The following NUP107 variants were observed in gnomAD, a reference collection of about 807,000 sequenced individuals.
NUP107 encodes nucleoporin 107.
A neutral mutation model predicts 141.0 loss-of-function variants in NUP107; 101 were observed. The observed-to-expected ratio is 0.72, with a 90% confidence interval of 0.61 to 0.84. The LOEUF (loss-of-function observed/expected upper bound fraction) is 0.84, where lower values mean the gene tolerates loss of function less well. NUP107 is among the 40% of genes least tolerant of loss of function. The pLI is 0.00. For synonymous variants in NUP107, 319 were observed against 363.9 expected, an observed-to-expected ratio of 0.88 and a Z score of 1.41; for missense variants, 941 against 1,102.7, an observed-to-expected ratio of 0.85 and a Z score of 2.08.
intron 6 of NUP107, among the ~76,000 whole-genome samples, chr12:68,698,669 G>C (rs943523963): frequency 6.6e-6 from 1 of 152,172 alleles, no homozygotes; most frequent in Non-Finnish European, 1.5e-5. Context: ...ATATTGCTAA[G>C]TGAAAGAAGC....
At chr12:68,705,784 G>A in intron 8 of NUP107, 1 of 752,458 alleles carries the variant, frequency 1.3e-6, no homozygotes, top group South Asian at 1.3e-5. Flanking sequence ...GGGTAGCCTG[G>A]GTGGAGACTT....
chr12:68,731,709 G>T lies in NUP107; in HGVS notation c.1988G>T (p.Gly663Val). The T allele has an allele frequency of 6.5e-7, 1 of 1,545,086 alleles. No homozygotes were observed. Among genetic ancestry groups the T allele is most frequent in the South Asian group, 1.2e-5 (1 of 80,996 alleles). The change falls in exon 22 of 28, where the codon GGC becomes GTC. Residue 663 changes from glycine to valine, a missense_variant. Coordinates refer to ENST00000229179, the MANE Select transcript of NUP107 (RefSeq NM_020401.4). Reference sequence around the variant, plus strand: ...GACCTGGCCCCAGCCCTAGATACTGGCACTACTGAGGTAATTTGGGATGGG... The same window carrying T: ...GACCTGGCCCCAGCCCTAGATACTGTCACTACTGAGGTAATTTGGGATGGG... ...HHDLAPALDT[G>V]TTEEDRLKID...
At chr12:68,698,931 C>G (rs1044622307) in intron 6 of NUP107, among the ~76,000 whole-genome samples, 3 of 151,906 alleles carry the variant, frequency 2.0e-5, no homozygotes, top group Non-Finnish European at 4.4e-5. Flanking sequence ...AAACTATGGA[C>G]TTTGGGGGAT....
chr12:68,739,478 T>A (rs1382818947), intron 26 of NUP107, among the ~76,000 whole-genome samples: 1 of 152,206 alleles, frequency 6.6e-6, no homozygotes, highest in African/African-American at 2.4e-5. Context: ...TAGGAATAGC[T>A]GTAATATCAG....
intron 15 of NUP107, 52 bp from the exon 16 acceptor site, chr12:68,721,789 T>C: frequency 6.4e-7 from 1 of 1,563,220 alleles, no homozygotes; most frequent in South Asian, 1.2e-5. Flanking sequence ...TGCTTTTCCT[T>C]TCTTTTCTGT....
chr12:68,687,099 C>A (rs202182252), intron 1 of NUP107, 26 bp downstream of exon 1: 1 of 1,613,630 alleles, frequency 6.2e-7, no homozygotes, highest in African/African-American at 1.3e-5. Flanking sequence ...GGCAGCTGAG[C>A]CCGAAGTCTT....
intron 15 of NUP107, 80 bp downstream of exon 15, chr12:68,721,257 A>C: frequency 1.1e-6 from 1 of 918,598 alleles, no homozygotes; most frequent in Non-Finnish European, 1.7e-6. Context: ...TATATAACAA[A>C]TATAAACTTA....
chr12:68,731,297 T>C lies in NUP107; in HGVS notation c.1885+37T>C, dbSNP rs116693807. The C allele has an allele frequency of 2.6e-4, 410 of 1,559,404 alleles. 4 individuals are homozygous for C. The African/African-American group carries it at 4.8e-3, about 18-fold the overall frequency. On this transcript the variant is annotated intron_variant, in intron 21 of 27. Transcript: ENST00000229179. ...TGAAAACTTTGTCTTTTGGCCTTTC[T>C]AGGCAAATGTTCATTTTGGCTGTAG... is the stretch of plus-strand genomic sequence containing the variant.
At chr12:68,741,730 G>T in intron 26 of NUP107, 83 bp from the exon 27 acceptor site, 1 of 1,245,924 alleles carries the variant, frequency 8.0e-7, no homozygotes, top group Non-Finnish European at 1.1e-6. Context: ...TTACATTCTG[G>T]GTTTGATTCA....
At chr12:68,687,371 C>T in intron 1 of NUP107, 26 of 941,152 alleles carry the variant, frequency 2.8e-5, no homozygotes, top group South Asian at 3.6e-5. Context: ...GGTAGCGCGG[C>T]GTTCGAAATG....
chr12:68,709,283 AG>A lies in NUP107; in HGVS notation c.778del (p.Asp260IlefsTer11). On this transcript the variant is annotated frameshift_variant, in exon 9 of 28. Coordinates refer to ENST00000229179, the MANE Select transcript of NUP107 (RefSeq NM_020401.4). LOFTEE classifies it high-confidence loss of function. ...AACAGTTGTGGAAGCGTTATTTCAG[AG>A]GGATTCACTTGTTCGACAAAGTCAG... ...EKTVVEALFQ[R>X]DSLVRQSQLV... 6.2e-7 allele frequency: 1 copy of A among 1,602,400 alleles called. No homozygotes were observed. The highest frequency in any genetic ancestry group is 8.5e-7 in the Non-Finnish European group (1 of 1,176,268).
At chr12:68,741,781 T>C (rs775608620) in intron 26 of NUP107, 32 bp from the exon 27 acceptor site, 2 of 1,590,366 alleles carry the variant, frequency 1.3e-6, no homozygotes, top group African/African-American at 2.7e-5. Context: ...TAGCTTAAAT[T>C]GTTAAAATGA....
intron 5 of NUP107, among the ~76,000 whole-genome samples, chr12:68,695,403 G>A (rs1472588192): frequency 6.6e-6 from 1 of 152,194 alleles, no homozygotes; most frequent in Non-Finnish European, 1.5e-5. Context: ...GAAACAAAAT[G>A]TGATCTATAC....
chr12:68,695,164 A>G (rs912405478), intron 5 of NUP107, among the ~76,000 whole-genome samples: 5 of 152,224 alleles, frequency 3.3e-5, no homozygotes, highest in African/African-American at 9.6e-5. Flanking sequence ...CTTGTGCACT[A>G]TTGGTTGGAA....
At chr12:68,715,602 T>C (rs1431114331) in intron 11 of NUP107, 25 bp from the exon 12 acceptor site, 2 of 1,293,224 alleles carry the variant, frequency 1.5e-6, no homozygotes, top group Admixed American at 3.4e-5. Flanking sequence ...TTATGGTTGA[T>C]GATGACTTTT....
intron 10 of NUP107, among the ~76,000 whole-genome samples, chr12:68,713,070 T>C (rs890087085): frequency 2.6e-5 from 4 of 151,862 alleles, no homozygotes; most frequent in African/African-American, 9.7e-5. Context: ...ATTAAAAATG[T>C]ATCATTAAAA....
chr12:68,699,296 C>T (rs1876213619), intron 6 of NUP107, among the ~76,000 whole-genome samples: 1 of 152,038 alleles, frequency 6.6e-6, no homozygotes, highest in Non-Finnish European at 1.5e-5. Flanking sequence ...TCGCTTGAAC[C>T]CGGGAGGCAG....
chr12:68,718,729 G>A (rs1053184793), intron 12 of NUP107, among the ~76,000 whole-genome samples: 3 of 151,838 alleles, frequency 2.0e-5, no homozygotes, highest in Non-Finnish European at 4.4e-5. Context: ...CCAGAAGTTC[G>A]AGACCAGCCT....
intron 15 of NUP107, 94 bp downstream of exon 15, chr12:68,721,271 TTG>T: frequency 1.3e-6 from 1 of 797,570 alleles, no homozygotes; most frequent in African/African-American, 1.8e-5. Context: ...AAACTTAAGT[TTG>T]TATACTTAAG....
Sources: gnomAD v4.1 joint callset for allele counts (sites outside exome capture counted in the v4.1 genomes callset) on GRCh38, gnomAD v4.1.1 for gene constraint, MANE v1.5 for transcripts, NCBI Gene and HGNC (gene_info 2026-07-23, HGNC 2026-07-21) for gene names.